Variants in ATP9A observed in about 807,000 individuals in gnomAD.
ATP9A encodes ATPase phospholipid transporting 9A, also known as probable phospholipid-transporting ATPase IIA.
A neutral mutation model predicts 144.1 loss-of-function variants in ATP9A; 52 were observed. The ratio of observed to expected loss-of-function variants is 0.36; its 90% CI spans 0.29 to 0.45. The LOEUF (loss-of-function observed/expected upper bound fraction) is 0.45, where lower values mean the gene tolerates loss of function less well. ATP9A is among the 20% of genes least tolerant of loss of function. ATP9A has a pLI of 1.00. For missense variants in ATP9A, 947 were observed against 1,392.7 expected (o/e 0.68, Z 5.09); for synonymous variants, 582 against 557.4 (o/e 1.04, Z -0.62).
At chr20:51,704,450 T>G (rs1246657924) in intron 4 of ATP9A, among the ~76,000 whole-genome samples, 2 of 152,134 alleles carry the variant, frequency 1.3e-5, no homozygotes, top group Non-Finnish European at 2.9e-5. Flanking sequence ...AATTGAGTAC[T>G]TTGAAAGGAA....
intron 1 of ATP9A, among the ~76,000 whole-genome samples, chr20:51,753,305 C>A (rs747164122): frequency 6.6e-6 from 1 of 151,656 alleles, no homozygotes; most frequent in Non-Finnish European, 1.5e-5. Flanking sequence ...ATTAGCTGGG[C>A]GTGGTGGTGT....
chr20:51,658,895 G>A (rs113458829), intron 13 of ATP9A, among the ~76,000 whole-genome samples: 4 of 117,602 alleles, frequency 3.4e-5, no homozygotes, highest in Admixed American at 8.2e-5. Flanking sequence ...TGGCGGGGGG[G>A]GGGGGGGGAA....
chr20:51,731,688 C>T (rs575604905), intron 1 of ATP9A, among the ~76,000 whole-genome samples: 1 of 151,164 alleles, frequency 6.6e-6, no homozygotes, highest in Non-Finnish European at 1.5e-5. Flanking sequence ...CACTGCACTC[C>T]AGCCTGGGTG....
intron 4 of ATP9A, among the ~76,000 whole-genome samples, chr20:51,704,938 T>C (rs1286112235): frequency 6.6e-6 from 1 of 152,246 alleles, no homozygotes; most frequent in African/African-American, 2.4e-5. Flanking sequence ...CTTTGCTCAC[T>C]GAATTGTCTT....
chr20:51,623,437 C>T (rs1212198188), intron 18 of ATP9A, among the ~76,000 whole-genome samples: 3 of 152,128 alleles, frequency 2.0e-5, no homozygotes, highest in African/African-American at 4.8e-5. Flanking sequence ...GGAATGGAGA[C>T]GCCTCACTTA....
chr20:51,705,027 TA>T (rs757981712), intron 4 of ATP9A, among the ~76,000 whole-genome samples: 7 of 151,634 alleles, frequency 4.6e-5, no homozygotes, highest in East Asian at 1.9e-4. Context: ...TTCTCTTCTT[TA>T]AAAAAAAATC....
At chr20:51,667,870 A>G (rs2077439265) in intron 13 of ATP9A, among the ~76,000 whole-genome samples, 1 of 151,576 alleles carries the variant, frequency 6.6e-6, no homozygotes, top group Non-Finnish European at 1.5e-5. Flanking sequence ...CAGCCTGGGC[A>G]ACACAGTGAG....
intron 2 of ATP9A, among the ~76,000 whole-genome samples, chr20:51,726,889 C>CTTTTTTTTTTTT (rs55719132): frequency 1.1e-5 from 1 of 93,996 alleles, no homozygotes; most frequent in Non-Finnish European, 2.0e-5. Flanking sequence ...TGTGTTATTT[C>CTTTTTTTTTTTT]TTTTTTTTTT....
At chr20:51,641,987 G>A (rs894488414) in intron 14 of ATP9A, among the ~76,000 whole-genome samples, 3 of 147,674 alleles carry the variant, frequency 2.0e-5, no homozygotes, top group Non-Finnish European at 3.0e-5. Flanking sequence ...GAGGAAAGTG[G>A]GAGGGCCTTC....
intron 1 of ATP9A, among the ~76,000 whole-genome samples, chr20:51,762,166 G>T (rs1408696532): frequency 1.3e-5 from 2 of 151,986 alleles, no homozygotes; most frequent in Non-Finnish European, 2.9e-5. Flanking sequence ...GGAGTTCAAG[G>T]CCAGCTTGGC....
At chr20:51,658,888 CGGGGGGGGG>C (rs11477336) in intron 13 of ATP9A, among the ~76,000 whole-genome samples, 1 of 54,828 alleles carries the variant, frequency 1.8e-5, no homozygotes, top group African/African-American at 8.4e-5. Flanking sequence ...AGACCACTGG[CGGGGGGGGG>C]GGGGGGAAGG....
chr20:51,762,525 G>A (rs1384111494), intron 1 of ATP9A, among the ~76,000 whole-genome samples: 3 of 151,454 alleles, frequency 2.0e-5, no homozygotes, highest in Non-Finnish European at 2.9e-5. Context: ...TGGGCGTGGC[G>A]GCGGGAGCCT....
chr20:51,622,318 C>T, intron 18 of ATP9A, 146 bp from the exon 19 acceptor site: 2 of 644,358 alleles, frequency 3.1e-6, no homozygotes, highest in Non-Finnish European at 5.4e-6. Context: ...CAACACAACA[C>T]AGCAAGCGCC....
intron 9 of ATP9A, among the ~76,000 whole-genome samples, chr20:51,685,224 T>C (rs948582327): frequency 3.9e-5 from 6 of 152,088 alleles, no homozygotes; most frequent in Admixed American, 3.9e-4. Flanking sequence ...GAGGCAAGTT[T>C]CCTGGGTGAA....
intron 13 of ATP9A, among the ~76,000 whole-genome samples, chr20:51,667,580 T>C (rs2077438025): frequency 6.6e-6 from 1 of 151,862 alleles, no homozygotes; most frequent in East Asian, 1.9e-4. Flanking sequence ...GGGGAGGGGA[T>C]GAAGACCAAG....
chr20:51,618,893 C>T, intron 20 of ATP9A, 61 bp downstream of exon 20: 1 of 1,598,610 alleles, frequency 6.3e-7, no homozygotes, highest in Non-Finnish European at 8.6e-7. Context: ...AGTGCCCCTG[C>T]CGAAGCCGGG....
chr20:51,673,139 T>C lies in ATP9A; in HGVS notation c.1037+1014A>G, dbSNP rs538548292. On this transcript the variant is annotated intron_variant, in intron 11 of 27. Coordinates refer to ENST00000338821, the MANE Select transcript of ATP9A (RefSeq NM_006045.3). ...CTGTAACCCCAGCACTTTGGGAAGC[T>C]GAGGCGGGTGGATCACTTGAGGTCA... Among the ~76,000 whole-genome samples the C allele has an allele frequency of 1.5e-4, 23 of 152,234 alleles. 1 individual carries two copies. Among genetic ancestry groups the C allele is most frequent in the African/African-American group, 5.3e-4 (22 of 41,564 alleles).
chr20:51,741,895 T>A (rs1001867067), intron 1 of ATP9A, among the ~76,000 whole-genome samples: 1 of 152,202 alleles, frequency 6.6e-6, no homozygotes, highest in Non-Finnish European at 1.5e-5. Context: ...CACCTTACAA[T>A]GCACAGACAA....
chr20:51,657,502 G>T (rs2077392337), intron 13 of ATP9A, among the ~76,000 whole-genome samples: 1 of 152,094 alleles, frequency 6.6e-6, no homozygotes, highest in Non-Finnish European at 1.5e-5. Flanking sequence ...TCAGAGCAGG[G>T]CTTCCCCACT....
Sources: allele counts gnomAD v4.1 joint callset (sites outside exome capture counted in the v4.1 genomes callset), GRCh38; gene constraint gnomAD v4.1.1; transcripts MANE v1.5; gene names NCBI Gene and HGNC (gene_info 2026-07-23, HGNC 2026-07-21).